Variants in ARHGEF28 observed in about 807,000 individuals in gnomAD.
ARHGEF28 encodes 190 kDa guanine nucleotide exchange factor.
In ARHGEF28, 152 loss-of-function variants were observed where a neutral mutation model predicts 206.6. The ratio of observed to expected loss-of-function variants is 0.74; its 90% CI spans 0.64 to 0.84. ARHGEF28 has a LOEUF of 0.84. ARHGEF28 is among the 40% of genes least tolerant of loss of function. ARHGEF28 has a pLI of 0.00. For missense variants in ARHGEF28, 2,028 were observed against 2,073.2 expected (o/e 0.98, Z 0.42); for synonymous variants, 763 against 776.4 (o/e 0.98, Z 0.29).
intron 2 of ARHGEF28, among the ~76,000 whole-genome samples, chr5:73,746,621 T>C (rs1751732293): frequency 6.6e-6 from 1 of 152,132 alleles, no homozygotes; most frequent in Admixed American, 6.5e-5. Context: ...TGGATTTTTA[T>C]GTTAGATATT....
intron 35 of ARHGEF28, among the ~76,000 whole-genome samples, chr5:73,914,376 A>C (rs1763083963): frequency 6.9e-6 from 1 of 145,458 alleles, no homozygotes; most frequent in African/African-American, 2.5e-5. Context: ...TCATTACACT[A>C]TACATTCTGA....
At position 73,940,958 on chromosome 5, in the gene ARHGEF28, C is replaced by T; in HGVS notation, c.5063C>T (p.Thr1688Ile). Reference protein sequence around the residue: ...AKLNLPTRTMTRQDGETGDGA... With the variant: ...AKLNLPTRTMIRQDGETGDGA... ...CTAAATCTACCGACAAGGACAATGACCAGACAAGATGGGGAAACTGGAGAT... is the reference window on the plus strand; with the variant it reads ...CTAAATCTACCGACAAGGACAATGATCAGACAAGATGGGGAAACTGGAGAT... The change falls in exon 36 of 36, where the codon ACC (threonine) becomes ATC (isoleucine). Residue 1688 changes from threonine (T) to isoleucine (I), a missense_variant. By Grantham distance (89) the Thr-to-Ile change is moderately conservative. Around this residue, in one of 3 missense-constraint regions of ARHGEF28, gnomAD observed 803 missense variants for 768.0 expected, o/e 1.05. Transcript: ENST00000513042. 1 of 1,533,344 alleles carries T rather than the reference C, an allele frequency of 6.5e-7. No homozygotes were observed. The highest frequency in any genetic ancestry group is 8.7e-7 in the Non-Finnish European group (1 of 1,146,234). 95.0% of individuals were successfully genotyped at this position (1,533,344 alleles called of 1,614,324 possible).
chr5:73,896,807 G>T (rs887214992), intron 29 of ARHGEF28, among the ~76,000 whole-genome samples: 1 of 152,124 alleles, frequency 6.6e-6, no homozygotes, highest in African/African-American at 2.4e-5. Context: ...TTTCACTAAC[G>T]CTGGGTTGTA....
At chr5:73,776,152 T>G (rs1390820389) in intron 5 of ARHGEF28, among the ~76,000 whole-genome samples, 2 of 152,226 alleles carry the variant, frequency 1.3e-5, no homozygotes, top group Admixed American at 6.5e-5. Context: ...GGCTGCCAGC[T>G]AATTTGTTCT....
At chr5:73,765,294 T>G (rs944737446) in intron 4 of ARHGEF28, among the ~76,000 whole-genome samples, 2 of 152,234 alleles carry the variant, frequency 1.3e-5, no homozygotes, top group Admixed American at 6.5e-5. Context: ...AATGTGATGG[T>G]GTGAAAGCAA....
intron 1 of ARHGEF28, among the ~76,000 whole-genome samples, chr5:73,628,931 T>A (rs1255923249): frequency 5.3e-5 from 8 of 152,206 alleles, no homozygotes; most frequent in Non-Finnish European, 1.0e-4. Context: ...ATTATCATGG[T>A]ATTGGAAGTT....
intron 35 of ARHGEF28, among the ~76,000 whole-genome samples, chr5:73,914,490 G>A (rs551209916): frequency 7.2e-6 from 1 of 138,714 alleles, no homozygotes; most frequent in Non-Finnish European, 1.5e-5. Context: ...TCCACCTCCC[G>A]AGTTCAGGTG....
At chr5:73,841,540 T>C (rs1202446605) in intron 11 of ARHGEF28, among the ~76,000 whole-genome samples, 1 of 151,862 alleles carries the variant, frequency 6.6e-6, no homozygotes, top group Non-Finnish European at 1.5e-5. Flanking sequence ...ACCCCATCTC[T>C]ACCAAAAATA....
At chr5:73,815,004 A>G (rs1442523778) in intron 9 of ARHGEF28, among the ~76,000 whole-genome samples, 1 of 152,154 alleles carries the variant, frequency 6.6e-6, no homozygotes, top group African/African-American at 2.4e-5. Flanking sequence ...CATTAAAATT[A>G]ATGTTTTAAA....
intron 2 of ARHGEF28, among the ~76,000 whole-genome samples, chr5:73,737,090 A>T (rs1163584657): frequency 2.0e-5 from 3 of 151,952 alleles, no homozygotes; most frequent in African/African-American, 4.8e-5. Flanking sequence ...CCCCACCCCC[A>T]CTTTATGATG....
chr5:73,889,717 T>A (rs980058784), intron 26 of ARHGEF28, among the ~76,000 whole-genome samples: 1 of 152,246 alleles, frequency 6.6e-6, no homozygotes, highest in Non-Finnish European at 1.5e-5. Flanking sequence ...TCCTAATGCC[T>A]GTAGGCATTG....
chr5:73,680,304 G>A (rs1484450286), intron 1 of ARHGEF28, among the ~76,000 whole-genome samples: 3 of 151,452 alleles, frequency 2.0e-5, no homozygotes, highest in African/African-American at 7.3e-5. Context: ...GCGTGGTGGT[G>A]GGCATCTGTA....
intron 22 of ARHGEF28, among the ~76,000 whole-genome samples, chr5:73,880,461 C>T (rs377501670): frequency 1.3e-5 from 2 of 152,286 alleles, no homozygotes; most frequent in African/African-American, 4.8e-5. Context: ...TCTGGCACTC[C>T]CTAGTGAGAT....
At chr5:73,806,713 T>C (rs1025741077) in intron 9 of ARHGEF28, among the ~76,000 whole-genome samples, 2 of 145,248 alleles carry the variant, frequency 1.4e-5, no homozygotes, top group Admixed American at 6.9e-5. Context: ...ATGTACCATA[T>C]ATACGATATA....
chr5:73,923,183 T>C lies in ARHGEF28; in HGVS notation c.4948+11608T>C, dbSNP rs930592999. On this transcript the variant is annotated intron_variant, in intron 35 of 35. Coordinates refer to ENST00000513042, the MANE Select transcript of ARHGEF28 (RefSeq NM_001177693.2). ...TTGAAAGGTAATACTGCAAGGGGGG[T>C]GCTTAGCCTTCTTTTAGGGTACTCC... The C allele has an allele frequency of 5.9e-6, 9 of 1,531,862 alleles. No homozygotes were observed. The African/African-American group carries it at 1.1e-4, about 19-fold the overall frequency. The allele number at this position is 1,531,862 out of a possible 1,614,324, so 94.9% of individuals were successfully genotyped here.
rs538241889 is a variant in ARHGEF28 at position 73,772,595 on chromosome 5, T to G, written c.476-1260T>G. ...GGTTTTACCACATTCACCAGGCTGG[T>G]CTTGAGCTCCTGGGCTCAAGTGATC... On this transcript the variant is annotated intron_variant, in intron 4 of 35. Coordinates refer to ENST00000513042, the MANE Select transcript of ARHGEF28 (RefSeq NM_001177693.2). Among the ~76,000 whole-genome samples, 4 of 152,182 alleles carry G rather than the reference T, an allele frequency of 2.6e-5. No homozygotes were observed. The South Asian group carries it at 8.3e-4, about 32-fold the overall frequency.
intron 35 of ARHGEF28, among the ~76,000 whole-genome samples, chr5:73,922,193 G>A (rs1022172481): frequency 4.6e-5 from 7 of 152,266 alleles, no homozygotes; most frequent in South Asian, 2.1e-4. Flanking sequence ...ATAAGTTTTC[G>A]CCTCATTCGG....
intron 19 of ARHGEF28, 25 bp downstream of exon 19, chr5:73,868,045 A>G (rs374439342): frequency 1.9e-6 from 3 of 1,613,542 alleles, no homozygotes; most frequent in South Asian, 2.2e-5. Context: ...GTTTTTACAT[A>G]TTAATGGCTC....
chr5:73,790,016 G>T (rs945783718), intron 7 of ARHGEF28, among the ~76,000 whole-genome samples: 1 of 152,070 alleles, frequency 6.6e-6, no homozygotes, highest in African/African-American at 2.4e-5. Context: ...AAGATAATCC[G>T]GTAGAAAAGT....
Sources: gnomAD v4.1 joint callset for allele counts (sites outside exome capture counted in the v4.1 genomes callset) on GRCh38, gnomAD v4.1.1 for gene constraint, gnomAD v4.1.1 regional missense constraint, MANE v1.5 for transcripts, NCBI Gene and HGNC (gene_info 2026-07-23, HGNC 2026-07-21) for gene names.